Variants in PLEKHO2 observed in about 807,000 individuals in gnomAD.
The protein encoded by PLEKHO2 is pleckstrin homology domain-containing family O member 2.
PLEKHO2 carries 20 observed loss-of-function variants against 32.7 expected under a neutral mutation model. The ratio of observed to expected loss-of-function variants is 0.61; its 90% CI spans 0.43 to 0.89. The LOEUF (loss-of-function observed/expected upper bound fraction) is 0.89. Among genes scored for constraint, PLEKHO2 ranks in the 40% least tolerant of loss-of-function variants. PLEKHO2 has a pLI of 0.00. For synonymous variants in PLEKHO2, 247 were observed against 246.3 expected, an observed-to-expected ratio of 1.00 and a Z score of -0.03; for missense variants, 568 against 621.2, an observed-to-expected ratio of 0.91 and a Z score of 0.91.
rs1160190658 is a variant in PLEKHO2, at chr15:64,866,546, A to G, written c.*658A>G. On this transcript the variant is annotated 3_prime_UTR_variant, in exon 6 of 6. Coordinates refer to ENST00000323544, the MANE Select transcript of PLEKHO2 (RefSeq NM_025201.5). Reference sequence around the variant, plus strand: ...TTGGCCCTGTTTCCTTTTTTGCAAAACAAGGACATTTTCTGCAGCCCCTTC... The same window carrying G: ...TTGGCCCTGTTTCCTTTTTTGCAAAGCAAGGACATTTTCTGCAGCCCCTTC... The G allele has an allele frequency of 8.2e-6, 3 of 366,332 alleles. No individual in the cohort carries two copies. Among genetic ancestry groups the G allele is most frequent in the African/African-American group, 4.3e-5 (2 of 46,886 alleles). The allele number at this position is 366,332 out of a possible 1,614,324, so 22.7% of individuals were successfully genotyped here. A position where few individuals can be genotyped will look rare whatever the true frequency, so the allele number is the denominator to read the frequency against.
rs1389343894 is a variant in PLEKHO2, at chr15:64,865,165, C to T, written c.750C>T (p.Thr250=). 4 of 1,614,014 alleles carry T rather than the reference C, an allele frequency of 2.5e-6. No individual in the cohort carries two copies. Among genetic ancestry groups the T allele is most frequent in the Non-Finnish European group, 8.5e-7 (1 of 1,180,018 alleles). The change falls in exon 6 of 6, where the codon ACC becomes ACT. Residue 250 remains threonine, a synonymous_variant. Coordinates refer to ENST00000323544, the MANE Select transcript of PLEKHO2 (RefSeq NM_025201.5). ...CTGAGAGCCAAGAGGACTCAGAGAC[C>T]CCAGCAGAGGAGGACAGTGGCTCTG... ...VSPESQEDSE[T]PAEEDSGSEQ...
intron 1 of PLEKHO2, among the ~76,000 whole-genome samples, chr15:64,847,399 A>G (rs1342026774): frequency 1.3e-5 from 2 of 152,278 alleles, no homozygotes; most frequent in East Asian, 3.9e-4. Flanking sequence ...AGCAGCCTCT[A>G]GATTCTGACA....
rs1450101254 is a variant in PLEKHO2, at chr15:64,865,063, C to T, written c.648C>T (p.Thr216=). ...AGCCTTTCCTAGCACCTGAGACCAC[C>T]AGCCCTGGTGACAGGGTGGAGACCC... The part of the protein sequence containing the change: ...PTKPFLAPET[T]SPGDRVETPV... Residue 216 remains threonine, a synonymous_variant, in exon 6 of 6, where the codon ACC becomes ACT. Coordinates refer to ENST00000323544, the MANE Select transcript of PLEKHO2 (RefSeq NM_025201.5). The T allele has an allele frequency of 6.2e-7, 1 of 1,614,140 alleles. No individual in the cohort carries two copies. The highest frequency in any genetic ancestry group is 1.1e-5 in the South Asian group (1 of 91,086).
chr15:64,847,569 G>A (rs2084532182), intron 1 of PLEKHO2, among the ~76,000 whole-genome samples: 1 of 152,078 alleles, frequency 6.6e-6, no homozygotes, highest in Non-Finnish European at 1.5e-5. Flanking sequence ...CTGGGTGCTG[G>A]GGACCCAGAA....
chr15:64,867,535 G>C lies in PLEKHO2; in HGVS notation c.*1647G>C, dbSNP rs754463663. The C allele has an allele frequency of 1.3e-5, 2 of 152,228 alleles. No individual in the cohort carries two copies. Among genetic ancestry groups the C allele is most frequent in the Non-Finnish European group, 2.9e-5 (2 of 68,062 alleles). 9.4% of individuals were successfully genotyped at this position (152,228 alleles called of 1,614,324 possible). A position where few individuals can be genotyped will look rare whatever the true frequency, so the allele number is the denominator to read the frequency against. On this transcript the variant is annotated 3_prime_UTR_variant, in exon 6 of 6. Coordinates refer to ENST00000323544, the MANE Select transcript of PLEKHO2 (RefSeq NM_025201.5). The stretch of plus-strand genomic sequence containing the variant: ...AAGGACATCAGTTGCCCAGTCATGT[G>C]ATCCCCTGCCATCTTGCCTTAGGAA...
intron 1 of PLEKHO2, among the ~76,000 whole-genome samples, chr15:64,842,956 C>T (rs2084496334): frequency 6.6e-6 from 1 of 152,236 alleles, no homozygotes; most frequent in Non-Finnish European, 1.5e-5. Flanking sequence ...TTCTTATCCC[C>T]TGAGGGGGTC....
intron 2 of PLEKHO2, 108 bp from the exon 3 acceptor site, chr15:64,854,813 C>A: frequency 1.2e-6 from 1 of 837,792 alleles, no homozygotes; most frequent in Non-Finnish European, 2.0e-6. Flanking sequence ...CTCCCTCTAA[C>A]CAAGTGATGT....
At chr15:64,843,317 G>C (rs945975578) in intron 1 of PLEKHO2, among the ~76,000 whole-genome samples, 1 of 152,230 alleles carries the variant, frequency 6.6e-6, no homozygotes, top group Non-Finnish European at 1.5e-5. Context: ...TGAAGGTAGG[G>C]GGCAAAGTCA....
chr15:64,843,388 C>T (rs1247921790), intron 1 of PLEKHO2, among the ~76,000 whole-genome samples: 2 of 152,154 alleles, frequency 1.3e-5, no homozygotes, highest in Admixed American at 6.5e-5. Context: ...ATCTGCCTGC[C>T]CCAGGCCCCT....
intron 2 of PLEKHO2, 90 bp from the exon 3 acceptor site, chr15:64,854,831 G>A: frequency 1.0e-6 from 1 of 998,580 alleles, no homozygotes. Context: ...TGTCCTCGCT[G>A]AGTGGGATCA....
At chr15:64,855,779 G>C (rs1046414370) in intron 3 of PLEKHO2, among the ~76,000 whole-genome samples, 1 of 152,320 alleles carries the variant, frequency 6.6e-6, no homozygotes, top group Middle Eastern at 3.4e-3. Flanking sequence ...ATCTGCGGCT[G>C]GGCCATTCCT....
chr15:64,866,853 A>G lies in PLEKHO2; in HGVS notation c.*965A>G, dbSNP rs1340053311. On this transcript the variant is annotated 3_prime_UTR_variant, in exon 6 of 6. Coordinates refer to ENST00000323544, the MANE Select transcript of PLEKHO2 (RefSeq NM_025201.5). ...CCTTCTCAGCCGAAACAGGTCCAGT[A>G]TCCCAGTCATTTCTTCAAATGCTGA... 6.5e-6 allele frequency: 1 copy of G among 153,142 alleles called. No individual in the cohort carries two copies. Among genetic ancestry groups the G allele is most frequent in the East Asian group, 1.9e-4 (1 of 5,208 alleles). The allele number at this position is 153,142 out of a possible 1,614,324, so 9.5% of individuals were successfully genotyped here. A position where few individuals can be genotyped will look rare whatever the true frequency, so the allele number is the denominator to read the frequency against.
intron 2 of PLEKHO2, among the ~76,000 whole-genome samples, chr15:64,848,993 T>C (rs990026011): frequency 1.1e-4 from 16 of 152,162 alleles, no homozygotes; most frequent in African/African-American, 3.6e-4. Flanking sequence ...CTTTTTTTTT[T>C]GGTGATGGAG....
intron 2 of PLEKHO2, among the ~76,000 whole-genome samples, chr15:64,848,976 C>T (rs568990609): frequency 6.6e-6 from 1 of 152,030 alleles, no homozygotes; most frequent in African/African-American, 2.4e-5. Flanking sequence ...TTTTTTTAAA[C>T]TTAATTCTTT....
chr15:64,854,926 T>C lies in PLEKHO2; in HGVS notation c.168T>C (p.Asp56=), dbSNP rs749548292. 1 of 1,612,656 alleles carries C rather than the reference T, an allele frequency of 6.2e-7. No individual in the cohort carries two copies. Among genetic ancestry groups the C allele is most frequent in the Non-Finnish European group, 8.5e-7 (1 of 1,179,180 alleles). ...AQLLVYENED[D]QKCVETVELG... Reference sequence around the variant, plus strand: ...CCTTCTGTCTCCCTCCCCAGGATGATCAGAAGTGTGTGGAGACTGTGGAGC... The same window carrying C: ...CCTTCTGTCTCCCTCCCCAGGATGACCAGAAGTGTGTGGAGACTGTGGAGC... The change falls in exon 3 of 6, where the codon GAT becomes GAC. Residue 56 remains aspartate (D), a synonymous_variant. Coordinates refer to ENST00000323544, the MANE Select transcript of PLEKHO2 (RefSeq NM_025201.5).
rs971093090 is a variant in PLEKHO2 at position 64,867,572 on chromosome 15, C to A, written c.*1684C>A. Reference sequence around the variant, plus strand: ...TCTTGCCTTAGGAACAGCCTTCCCCCACCAGCAGCCATGGCTGGCTGGGGC... The same window carrying A: ...TCTTGCCTTAGGAACAGCCTTCCCCAACCAGCAGCCATGGCTGGCTGGGGC... On this transcript the variant is annotated 3_prime_UTR_variant, in exon 6 of 6. Transcript: ENST00000323544. 6.6e-6 allele frequency: 1 copy of A among 152,290 alleles called. No homozygotes were observed. 9.4% of individuals were successfully genotyped at this position (152,290 alleles called of 1,614,324 possible).
chr15:64,849,196 C>T (rs946332289), intron 2 of PLEKHO2, among the ~76,000 whole-genome samples: 1 of 152,130 alleles, frequency 6.6e-6, no homozygotes, highest in Admixed American at 6.5e-5. Flanking sequence ...GGCTGGAGTG[C>T]AGTGGTGCGA....
chr15:64,855,147 G>A, intron 3 of PLEKHO2, 110 bp downstream of exon 3: 2 of 812,218 alleles, frequency 2.5e-6, no homozygotes, highest in South Asian at 3.1e-5. Context: ...GTTTTCCGTT[G>A]CGTGTGGCTG....
intron 2 of PLEKHO2, among the ~76,000 whole-genome samples, chr15:64,853,199 G>T (rs139183154): frequency 9.2e-5 from 14 of 151,776 alleles, no homozygotes; most frequent in Admixed American, 1.3e-4. Context: ...TAGTTAGAAC[G>T]CAGATTGCCA....
Sources: allele counts gnomAD v4.1 joint callset (sites outside exome capture counted in the v4.1 genomes callset), GRCh38; gene constraint gnomAD v4.1.1; transcripts MANE v1.5; gene names NCBI Gene and HGNC (gene_info 2026-07-23, HGNC 2026-07-21).